The following POLA2 variants were observed in gnomAD, a reference collection of about 807,000 sequenced individuals.
The protein encoded by POLA2 is DNA polymerase alpha 2, accessory subunit, also known as DNA polymerase alpha subunit B.
In POLA2, 47 loss-of-function variants were observed where a neutral mutation model predicts 82.8. The observed-to-expected ratio is 0.57, with a 90% CI of 0.45 to 0.72. POLA2 has a LOEUF of 0.72. Among genes scored for constraint, POLA2 ranks in the 30% least tolerant of loss-of-function variants. POLA2 has a pLI of 0.00. For missense variants in POLA2, 634 were observed against 728.1 expected, an observed-to-expected ratio of 0.87 and a Z score of 1.49; for synonymous variants, 287 against 286.8, an observed-to-expected ratio of 1.00 and a Z score of -0.01.
intron 4 of POLA2, among the ~76,000 whole-genome samples, chr11:65,274,215 G>T (rs1949552088): frequency 6.6e-6 from 1 of 151,816 alleles, no homozygotes; most frequent in South Asian, 2.1e-4. Flanking sequence ...AGCTGGGCGT[G>T]GTGGTGCATG....
At chr11:65,284,419 C>A (rs918204057) in intron 10 of POLA2, among the ~76,000 whole-genome samples, 3 of 152,000 alleles carry the variant, frequency 2.0e-5, no homozygotes, top group African/African-American at 7.3e-5. Context: ...GAAGTCAAGG[C>A]TGCAGTGAGC....
downstream of POLA2, chr11:65,305,642 T>C (rs1034054574): frequency 1.5e-5 from 5 of 326,366 alleles, no homozygotes; most frequent in Middle Eastern, 1.1e-3. Context: ...CCATTGTACA[T>C]TGTACTCCAG....
At chr11:65,287,452 T>C (rs552759993) in intron 10 of POLA2, 2 of 276,300 alleles carry the variant, frequency 7.2e-6, no homozygotes, top group South Asian at 8.6e-5. Context: ...ACTGCCACTT[T>C]CCTCGAATCT....
chr11:65,302,324 G>C (rs577069416), downstream of POLA2, among the ~76,000 whole-genome samples: 2 of 152,266 alleles, frequency 1.3e-5, no homozygotes, highest in Non-Finnish European at 2.9e-5. Flanking sequence ...CCCTAGCCCC[G>C]CTCCTGCTTC....
Position 65,267,490 on chromosome 11 carries a change from G to A in POLA2, c.218G>A (p.Arg73Lys), listed in dbSNP as rs1469638794. 1 of 1,609,602 alleles carries A rather than the reference G, an allele frequency of 6.2e-7. No individual in the cohort carries two copies. The highest frequency in any genetic ancestry group is 8.5e-7 in the Non-Finnish European group (1 of 1,177,766). The change falls in exon 3 of 18, where the codon AGA becomes AAA. Residue 73 changes from arginine (R) to lysine (K), a missense_variant. Physicochemically the swap from Arg to Lys is conservative, Grantham distance 26 (BLOSUM62 2). Transcript: ENST00000265465. The part of the protein sequence containing the change: ...NSFEHEFLSK[R>K]LSKARHSTCK... ...TTTCTTTTTCAGTTTCTGAGCAAAAGATTATCGAAAGCCAGGCATAGTACC... is the reference window on the plus strand; with the variant it reads ...TTTCTTTTTCAGTTTCTGAGCAAAAAATTATCGAAAGCCAGGCATAGTACC...
intron 10 of POLA2, among the ~76,000 whole-genome samples, chr11:65,283,294 C>A (rs1477763686): frequency 6.6e-6 from 1 of 151,974 alleles, no homozygotes; most frequent in East Asian, 1.9e-4. Context: ...CCTCGAGAAT[C>A]CAGGAATTTA....
intron 4 of POLA2, among the ~76,000 whole-genome samples, chr11:65,269,642 ATAGG>A (rs1949501440): frequency 6.6e-6 from 1 of 152,222 alleles, no homozygotes; most frequent in African/African-American, 2.4e-5. Flanking sequence ...GAGGAAATAA[ATAGG>A]TAAAGTATCA....
downstream of POLA2, among the ~76,000 whole-genome samples, chr11:65,303,556 C>T (rs1949869681): frequency 6.6e-6 from 1 of 152,038 alleles, no homozygotes; most frequent in African/African-American, 2.4e-5. Context: ...TGGGAATAGA[C>T]ATATACAAAT....
intron 4 of POLA2, among the ~76,000 whole-genome samples, chr11:65,274,711 G>C (rs898853491): frequency 6.6e-6 from 1 of 151,848 alleles, no homozygotes; most frequent in Non-Finnish European, 1.5e-5. Context: ...TAACAGTGTG[G>C]GAAAATGTTG....
chr11:65,281,884 G>T (rs1949645456), intron 9 of POLA2, 152 bp downstream of exon 9: 1 of 664,228 alleles, frequency 1.5e-6, no homozygotes, highest in East Asian at 2.7e-5. Flanking sequence ...TAGGCCAGGG[G>T]TCAGCAAACC....
chr11:65,293,851 C>T (rs932070946), intron 13 of POLA2, among the ~76,000 whole-genome samples: 7 of 152,164 alleles, frequency 4.6e-5, no homozygotes, highest in African/African-American at 1.7e-4. Context: ...CATTTCTTTG[C>T]CCCTTTTTCT....
intron 13 of POLA2, among the ~76,000 whole-genome samples, chr11:65,291,496 G>T (rs956730944): frequency 1.3e-5 from 2 of 152,264 alleles, no homozygotes. Flanking sequence ...GGTGATGCAG[G>T]TGCCTTCCCT....
intron 5 of POLA2, among the ~76,000 whole-genome samples, chr11:65,277,516 TCTA>T (rs1949594319): frequency 2.0e-5 from 3 of 152,182 alleles, no homozygotes; most frequent in Admixed American, 1.3e-4. Flanking sequence ...TTTAGGGTAG[TCTA>T]CTGCTGCTTT....
At chr11:65,299,710 C>T (rs1166862296), downstream of POLA2, among the ~76,000 whole-genome samples, 2 of 152,164 alleles carry the variant, frequency 1.3e-5, no homozygotes, top group Non-Finnish European at 1.5e-5. Context: ...CAACCCCACC[C>T]CGACAGAGTC....
At chr11:65,274,172 C>T (rs1201386870) in intron 4 of POLA2, among the ~76,000 whole-genome samples, 3 of 151,068 alleles carry the variant, frequency 2.0e-5, no homozygotes, top group East Asian at 2.0e-4. Flanking sequence ...ACCAACATGG[C>T]GAAACTCACA....
chr11:65,269,497 A>AC (rs1292178684), intron 4 of POLA2, among the ~76,000 whole-genome samples: 1 of 151,992 alleles, frequency 6.6e-6, no homozygotes, highest in Non-Finnish European at 1.5e-5. Flanking sequence ...AAAAAAAAAA[A>AC]AAAAAACAAC....
chr11:65,281,254 G>T, intron 8 of POLA2, 107 bp downstream of exon 8: 1 of 1,173,494 alleles, frequency 8.5e-7, no homozygotes, highest in Non-Finnish European at 1.2e-6. Flanking sequence ...TGCTGCCATG[G>T]GGTGCAGCTG....
chr11:65,304,922 G>A (rs1949878798), intron 8 of POLA2, among the ~76,000 whole-genome samples: 1 of 152,102 alleles, frequency 6.6e-6, no homozygotes, highest in Non-Finnish European at 1.5e-5. Flanking sequence ...ATGTGGTGTG[G>A]AGAATAGGCA....
intron 4 of POLA2, among the ~76,000 whole-genome samples, chr11:65,270,185 AG>A (rs1245546387): frequency 6.6e-6 from 1 of 151,910 alleles, no homozygotes; most frequent in African/African-American, 2.4e-5. Flanking sequence ...ATAAACATGG[AG>A]GGAGCCTTAA....
Sources: gnomAD v4.1 joint callset for allele counts (sites outside exome capture counted in the v4.1 genomes callset) on GRCh38, gnomAD v4.1.1 for gene constraint, MANE v1.5 for transcripts, NCBI Gene and HGNC (gene_info 2026-07-23, HGNC 2026-07-21) for gene names.